COBLL1: variants seen among roughly 807,000 people sequenced by gnomAD.
COBLL1 encodes cordon-bleu protein-like 1.
Under a neutral mutation model 94.8 loss-of-function variants are expected in COBLL1, and 50 were observed. The observed-to-expected ratio is 0.53, with a 90% CI of 0.42 to 0.67. The LOEUF (loss-of-function observed/expected upper bound fraction) is 0.67. Ranked by LOEUF, COBLL1 falls within the 30% of genes least tolerant of loss-of-function variation. The pLI is 0.00. For missense variants in COBLL1, 1,362 were observed against 1,348.7 expected (o/e 1.01, Z -0.15); for synonymous variants, 448 against 473.8 (o/e 0.95, Z 0.71).
At chr2:164,671,779 A>G (rs987597496) in intron 1 of COBLL1, among the ~76,000 whole-genome samples, 1 of 150,864 alleles carries the variant, frequency 6.6e-6, no homozygotes, top group African/African-American at 2.4e-5. Context: ...ATGGCTTAGG[A>G]CAGTTCTGAC....
chr2:164,818,371 T>C (rs1428572678), intron 2 of COBLL1, among the ~76,000 whole-genome samples: 1 of 139,126 alleles, frequency 7.2e-6, no homozygotes, highest in Admixed American at 7.1e-5. Flanking sequence ...TATGTGTACA[T>C]GCGTATGTGT....
intron 2 of COBLL1, among the ~76,000 whole-genome samples, chr2:164,824,715 T>G (rs538702563): frequency 1.3e-5 from 2 of 152,278 alleles, no homozygotes; most frequent in South Asian, 2.1e-4. Context: ...GCAAGTCAAT[T>G]GTGTTATTTA....
chr2:164,800,108 TA>T (rs1296379926), intron 2 of COBLL1, among the ~76,000 whole-genome samples: 1 of 152,140 alleles, frequency 6.6e-6, no homozygotes, highest in African/African-American at 2.4e-5. Context: ...ACTTTTGCTC[TA>T]AAAATACACA....
At chr2:164,840,940 C>G (rs1242497054) in intron 2 of COBLL1, 1 of 417,474 alleles carries the variant, frequency 2.4e-6, no homozygotes, top group Non-Finnish European at 4.0e-6. Context: ...AGGGCAGCCC[C>G]GGTAGGAAGG....
intron 7 of COBLL1, among the ~76,000 whole-genome samples, chr2:164,706,623 AG>A (rs1344912522): frequency 3.9e-5 from 6 of 152,144 alleles, no homozygotes; most frequent in African/African-American, 1.2e-4. Flanking sequence ...TCCCTGTCTT[AG>A]TAAAGAACAA....
At chr2:164,818,543 A>G (rs1684969435) in intron 2 of COBLL1, among the ~76,000 whole-genome samples, 1 of 147,658 alleles carries the variant, frequency 6.8e-6, no homozygotes, top group African/African-American at 2.5e-5. Context: ...ATATTTACAT[A>G]TATGTGTACA....
intron 2 of COBLL1, among the ~76,000 whole-genome samples, chr2:164,766,343 C>T (rs1234497348): frequency 2.6e-5 from 4 of 152,036 alleles, no homozygotes; most frequent in African/African-American, 7.2e-5. Context: ...ATTTGTAATC[C>T]CCAATGTTGG....
At chr2:164,820,334 C>G (rs1405296534) in intron 2 of COBLL1, among the ~76,000 whole-genome samples, 1 of 152,120 alleles carries the variant, frequency 6.6e-6, no homozygotes, top group Non-Finnish European at 1.5e-5. Flanking sequence ...ATCCTTTCAC[C>G]TCAGCCTCCT....
chr2:164,678,521 C>T (rs1383397013), downstream of COBLL1, among the ~76,000 whole-genome samples: 15 of 152,112 alleles, frequency 9.9e-5, no homozygotes, highest in Admixed American at 9.8e-4. Context: ...ATGAATGCCC[C>T]TGTCTGACCT....
In COBLL1 at chr2:164,743,519, T is replaced by C. The variant is rs574112540; in HGVS notation, c.230+168A>G. On this transcript the variant is annotated intron_variant, in intron 3 of 13. Coordinates refer to ENST00000652658, the MANE Select transcript of COBLL1 (RefSeq NM_001365672.2). ...CATAGCACTGATATTAAAACATTGA[T>C]AGAAAATTTTTAACACCATTTTAGC... is the stretch of plus-strand genomic sequence containing the variant. 1.0e-4 allele frequency: 59 copies of C among 590,296 alleles called. No homozygotes were observed. The East Asian group carries it at 1.7e-3, about 17-fold the overall frequency. 36.6% of individuals were successfully genotyped at this position (590,296 alleles called of 1,614,324 possible). A position where few individuals can be genotyped will look rare whatever the true frequency, so the allele number is the denominator to read the frequency against.
chr2:164,818,281 CATAT>C (rs1426943127), intron 2 of COBLL1, among the ~76,000 whole-genome samples: 1 of 147,370 alleles, frequency 6.8e-6, no homozygotes, highest in African/African-American at 2.5e-5. Flanking sequence ...TGTATGTATA[CATAT>C]ATGTATGTAT....
intron 2 of COBLL1, among the ~76,000 whole-genome samples, chr2:164,780,166 T>C (rs754563026): frequency 1.3e-5 from 2 of 152,110 alleles, no homozygotes; most frequent in African/African-American, 2.4e-5. Context: ...AGCAAATTAC[T>C]TATCCTCATT....
rs151298720 is a variant in COBLL1 at position 164,663,625 on chromosome 2, AAG to A, written n.181+2220_181+2221del. The stretch of plus-strand genomic sequence containing the variant: ...CATGGAATACTTCACAGCCATAAAA[AAG>A]AATGAAATCAGGCCCTTTGCAGAAA... On this transcript the variant is annotated intron_variant and non_coding_transcript_variant, in intron 2 of 2. Coordinates refer to the COBLL1 transcript ENST00000495084. Among the ~76,000 whole-genome samples, 275 of 152,338 alleles carry A rather than the reference AAG, an allele frequency of 1.8e-3. 1 individual carries two copies. Among genetic ancestry groups the A allele is most frequent in the African/African-American group, 6.1e-3 (252 of 41,586 alleles).
Position 164,722,533 on chromosome 2 carries a change from A to C in COBLL1, c.662-11T>G. 1 of 1,376,958 alleles carries C rather than the reference A, an allele frequency of 7.3e-7. No individual in the cohort carries two copies. Among genetic ancestry groups the C allele is most frequent in the Non-Finnish European group, 9.8e-7 (1 of 1,020,308 alleles). 85.3% of individuals were successfully genotyped at this position (1,376,958 alleles called of 1,614,324 possible). A position where few individuals can be genotyped will look rare whatever the true frequency, so the allele number is the denominator to read the frequency against. On this transcript the variant is annotated splice_polypyrimidine_tract_variant and intron_variant, in intron 5 of 13. Transcript: ENST00000652658. ...ATATTTGGCAGGACTCTAAAATAGA[A>C]GAAAAGCATCTTACTTTTGTATGTG...
chr2:164,682,048 C>T lies in COBLL1; in HGVS notation c.*3898G>A, dbSNP rs889878026. On this transcript the variant is annotated 3_prime_UTR_variant, in exon 14 of 14. Coordinates refer to ENST00000652658, the MANE Select transcript of COBLL1 (RefSeq NM_001365672.2). ...TTCTGGTATCCCTTGAAATCTAGCA[C>T]CAGTTTCTTCATCATTTGCTACATT... 1.3e-5 allele frequency: 2 copies of T among 152,166 alleles called. 1 individual carries two copies. Among genetic ancestry groups the T allele is most frequent in the South Asian group, 4.1e-4 (2 of 4,828 alleles). The allele number at this position is 152,166 out of a possible 1,614,324, so 9.4% of individuals were successfully genotyped here. A position where few individuals can be genotyped will look rare whatever the true frequency, so the allele number is the denominator to read the frequency against.
intron 2 of COBLL1, among the ~76,000 whole-genome samples, chr2:164,823,577 T>C (rs1275748263): frequency 1.3e-5 from 2 of 152,200 alleles, no homozygotes; most frequent in Non-Finnish European, 2.9e-5. Context: ...AAGGCTATAC[T>C]TGAATAATTG....
At chr2:164,756,869 C>T (rs1424019899) in intron 2 of COBLL1, among the ~76,000 whole-genome samples, 2 of 152,128 alleles carry the variant, frequency 1.3e-5, no homozygotes, top group African/African-American at 4.8e-5. Flanking sequence ...TCTGGGTCTG[C>T]ACAAATTAGT....
At chr2:164,795,942 A>G (rs967500251) in intron 2 of COBLL1, among the ~76,000 whole-genome samples, 2 of 152,222 alleles carry the variant, frequency 1.3e-5, no homozygotes, top group African/African-American at 4.8e-5. Context: ...TGGTCTGAAG[A>G]GTGTGCCCCA....
chr2:164,719,471 C>T (rs896930925), intron 7 of COBLL1, among the ~76,000 whole-genome samples: 4 of 152,170 alleles, frequency 2.6e-5, no homozygotes, highest in African/African-American at 4.8e-5. Flanking sequence ...AAGGTGTTGG[C>T]GGAGTCATGC....
Sources: allele counts gnomAD v4.1 joint callset (sites outside exome capture counted in the v4.1 genomes callset), GRCh38; gene constraint gnomAD v4.1.1; transcripts MANE v1.5; gene names NCBI Gene and HGNC (gene_info 2026-07-23, HGNC 2026-07-21).